The following RIT2 variants were observed in gnomAD, a reference collection of about 807,000 sequenced individuals.
RIT2 encodes the protein Ras like without CAAX 2, also known as GTP-binding protein Rit2.
RIT2 carries 24 observed loss-of-function variants against 23.7 expected under a neutral mutation model. That is an observed-to-expected ratio of 1.01 (90% CI 0.73 to 1.43). The LOEUF (loss-of-function observed/expected upper bound fraction) is 1.43. Among genes scored for constraint, RIT2 ranks in the 40% most tolerant of loss-of-function variants. RIT2 has a pLI of 0.00. For missense variants in RIT2, 236 were observed against 266.9 expected (o/e 0.88, Z 0.81); for synonymous variants, 107 against 91.1 (o/e 1.17, Z -0.99).
At chr18:42,962,845 A>C (rs562155235) in intron 3 of RIT2, among the ~76,000 whole-genome samples, 31 of 152,268 alleles carry the variant, frequency 2.0e-4, no homozygotes, top group African/African-American at 6.5e-4. Context: ...ATACAAATAA[A>C]CTTCACAAAT....
At chr18:42,759,738 C>T (rs2143897616) in intron 4 of RIT2, among the ~76,000 whole-genome samples, 1 of 137,924 alleles carries the variant, frequency 7.3e-6, no homozygotes, top group East Asian at 2.1e-4. Context: ...CACACACACA[C>T]ACACACACAC....
chr18:43,092,557 G>A (rs949223128), intron 1 of RIT2, among the ~76,000 whole-genome samples: 2 of 152,004 alleles, frequency 1.3e-5, no homozygotes, highest in South Asian at 4.1e-4. Flanking sequence ...AAGATTAACT[G>A]AGGATATTCT....
At chr18:42,919,475 C>G (rs915114817) in intron 4 of RIT2, among the ~76,000 whole-genome samples, 1 of 152,022 alleles carries the variant, frequency 6.6e-6, no homozygotes, top group African/African-American at 2.4e-5. Context: ...GCACTTTGGG[C>G]AGCCGAGGCT....
intron 1 of RIT2, among the ~76,000 whole-genome samples, chr18:43,111,900 C>T (rs1043616572): frequency 1.3e-5 from 2 of 151,994 alleles, no homozygotes; most frequent in East Asian, 3.8e-4. Context: ...CTCAGTTTGG[C>T]CATTGTCCAA....
intron 4 of RIT2, among the ~76,000 whole-genome samples, chr18:42,920,136 GA>G (rs752187804): frequency 9.2e-5 from 14 of 152,104 alleles, no homozygotes; most frequent in Non-Finnish European, 1.8e-4. Context: ...CAAACCCAAA[GA>G]ATTATTATCC....
chr18:43,099,065 T>C (rs1412029846), intron 1 of RIT2, among the ~76,000 whole-genome samples: 4 of 152,014 alleles, frequency 2.6e-5, no homozygotes, highest in Non-Finnish European at 4.4e-5. Context: ...GTAAATCATA[T>C]ATAACAAATT....
intron 2 of RIT2, among the ~76,000 whole-genome samples, chr18:42,998,590 G>T (rs1162118542): frequency 6.6e-6 from 1 of 152,026 alleles, no homozygotes; most frequent in East Asian, 1.9e-4. Context: ...CTAATGTGCA[G>T]CCAGAGGTAC....
intron 3 of RIT2, among the ~76,000 whole-genome samples, chr18:42,932,331 G>A (rs897943467): frequency 1.7e-4 from 26 of 152,036 alleles, no homozygotes; most frequent in Admixed American, 2.0e-4. Flanking sequence ...CCATCAATGG[G>A]GGGAAATCCA....
intron 1 of RIT2, among the ~76,000 whole-genome samples, chr18:43,090,429 T>A (rs548851243): frequency 1.3e-5 from 2 of 152,160 alleles, no homozygotes; most frequent in East Asian, 3.9e-4. Context: ...GATGGAAGTG[T>A]AAATAGTTCA....
chr18:42,994,804 C>A (rs1034332890), intron 2 of RIT2, among the ~76,000 whole-genome samples: 3 of 152,172 alleles, frequency 2.0e-5, no homozygotes, highest in Non-Finnish European at 4.4e-5. Context: ...AACTTACTCT[C>A]TACAGCTCTC....
chr18:43,026,253 A>G (rs1911713804), intron 2 of RIT2, among the ~76,000 whole-genome samples: 1 of 151,998 alleles, frequency 6.6e-6, no homozygotes, highest in Non-Finnish European at 1.5e-5. Flanking sequence ...TGATGAGATT[A>G]CCTTAGAGAT....
At chr18:42,836,138 A>C (rs1906596439) in intron 4 of RIT2, among the ~76,000 whole-genome samples, 1 of 152,222 alleles carries the variant, frequency 6.6e-6, no homozygotes, top group Non-Finnish European at 1.5e-5. Context: ...CAAATGTGAC[A>C]CAAACTTTAA....
At chr18:42,811,018 T>C (rs986662447) in intron 4 of RIT2, among the ~76,000 whole-genome samples, 1 of 152,036 alleles carries the variant, frequency 6.6e-6, no homozygotes, top group African/African-American at 2.4e-5. Flanking sequence ...TTTGGGATGA[T>C]AGACTCATTC....
chr18:43,005,305 A>G (rs1911201060), intron 2 of RIT2, among the ~76,000 whole-genome samples: 1 of 151,882 alleles, frequency 6.6e-6, no homozygotes, highest in African/African-American at 2.4e-5. Context: ...CTGGCTATTA[A>G]TTAAAAATTA....
intron 4 of RIT2, among the ~76,000 whole-genome samples, chr18:42,912,483 C>CA (rs1908794956): frequency 6.6e-6 from 1 of 151,792 alleles, no homozygotes; most frequent in Non-Finnish European, 1.5e-5. Context: ...AACTAAAACT[C>CA]TCTATTTACA....
intron 1 of RIT2, among the ~76,000 whole-genome samples, chr18:43,105,803 T>C (rs911128400): frequency 6.6e-6 from 1 of 152,218 alleles, no homozygotes; most frequent in African/African-American, 2.4e-5. Context: ...ACAGTAGTTA[T>C]TATTGTCATC....
chr18:42,937,292 A>G (rs1190694726), intron 3 of RIT2, among the ~76,000 whole-genome samples: 1 of 152,170 alleles, frequency 6.6e-6, no homozygotes, highest in East Asian at 1.9e-4. Flanking sequence ...AGCTCACCAA[A>G]GTAAAATCCC....
At chr18:42,846,372 A>T (rs1906909447) in intron 4 of RIT2, among the ~76,000 whole-genome samples, 1 of 151,974 alleles carries the variant, frequency 6.6e-6, no homozygotes, top group African/African-American at 2.4e-5. Flanking sequence ...AACCTTTGTA[A>T]AAACAAGCTT....
intron 3 of RIT2, among the ~76,000 whole-genome samples, chr18:42,962,644 G>A (rs1353846535): frequency 6.6e-6 from 1 of 152,092 alleles, no homozygotes; most frequent in Non-Finnish European, 1.5e-5. Flanking sequence ...TTAGGAGCCT[G>A]GCAGGAAAAA....
Sources: allele counts gnomAD v4.1 joint callset (sites outside exome capture counted in the v4.1 genomes callset), GRCh38; gene constraint gnomAD v4.1.1; transcripts MANE v1.5; gene names NCBI Gene and HGNC (gene_info 2026-07-23, HGNC 2026-07-21).